Variants in UNC5D observed in about 807,000 individuals in gnomAD.
UNC5D encodes the protein unc-5 netrin receptor D, also known as netrin receptor UNC5D.
In UNC5D, 39 loss-of-function variants were observed where a neutral mutation model predicts 105.4. The ratio of observed to expected loss-of-function variants is 0.37; its 90% CI spans 0.29 to 0.48. The LOEUF (loss-of-function observed/expected upper bound fraction) is 0.48, where lower values mean the gene tolerates loss of function less well. UNC5D is among the 20% of genes least tolerant of loss of function. The pLI is 0.98. For missense variants in UNC5D, 991 were observed against 1,202.4 expected, an observed-to-expected ratio of 0.82 and a Z score of 2.60; for synonymous variants, 452 against 450.4, an observed-to-expected ratio of 1.00 and a Z score of -0.04.
rs912656684 is a variant in UNC5D at position 35,247,548 on chromosome 8, T to C, written c.103+11661T>C. 5.9e-5 allele frequency among the ~76,000 whole-genome samples: 7 copies of C among 119,426 alleles called. No individual in the cohort carries two copies. The Admixed American group carries it at 7.3e-4, about 12-fold the overall frequency. 78.3% of individuals were successfully genotyped at this position (119,426 alleles called of 152,430 possible). On this transcript the variant is annotated intron_variant, in intron 1 of 16. Coordinates refer to ENST00000404895, the MANE Select transcript of UNC5D (RefSeq NM_080872.4). ...TATATATATATATGTATAAAATATA[T>C]AAAATATATATAATATATAAATATG... is the stretch of plus-strand genomic sequence containing the variant.
intron 1 of UNC5D, among the ~76,000 whole-genome samples, chr8:35,464,343 T>A (rs1413109952): frequency 4.6e-5 from 7 of 151,348 alleles, no homozygotes; most frequent in African/African-American, 1.7e-4. Flanking sequence ...ATAATAATAA[T>A]AATAAAAAAG....
intron 1 of UNC5D, among the ~76,000 whole-genome samples, chr8:35,493,696 T>G: frequency 6.6e-6 from 1 of 152,276 alleles, no homozygotes; most frequent in Non-Finnish European, 1.5e-5. Context: ...TATTTGGGAC[T>G]TTTCAAATTA....
intron 1 of UNC5D, among the ~76,000 whole-genome samples, chr8:35,331,310 T>C (rs1168652923): frequency 1.3e-5 from 2 of 152,166 alleles, no homozygotes; most frequent in African/African-American, 2.4e-5. Flanking sequence ...CCTTCTCTCA[T>C]AGTTATAGAC....
chr8:35,742,089 C>T (rs1829791612), intron 11 of UNC5D, among the ~76,000 whole-genome samples: 2 of 152,030 alleles, frequency 1.3e-5, no homozygotes, highest in Admixed American at 6.6e-5. Context: ...TCACACATAG[C>T]GATTACCAGA....
chr8:35,254,254 G>C (rs1803919087), intron 1 of UNC5D: 1 of 152,130 alleles, frequency 6.6e-6, no homozygotes, highest in Non-Finnish European at 1.5e-5. Context: ...CTAAATTGGG[G>C]TTTGGAATTG....
intron 1 of UNC5D, among the ~76,000 whole-genome samples, chr8:35,239,820 T>A (rs2128800041): frequency 6.6e-6 from 1 of 152,340 alleles, no homozygotes; most frequent in Admixed American, 6.5e-5. Flanking sequence ...CGTTCCCTAT[T>A]TCTATTTCAT....
At position 35,365,591 on chromosome 8, in the gene UNC5D, C is replaced by CAAAAAA. The variant is rs10715369; in HGVS notation, c.103+129725_103+129730dup. Among the ~76,000 whole-genome samples the CAAAAAA allele has an allele frequency of 1.6e-4, 8 of 49,884 alleles. 1 individual carries two copies. Among genetic ancestry groups the CAAAAAA allele is most frequent in the Admixed American group, 6.8e-4 (2 of 2,956 alleles). The allele number at this position is 49,884 out of a possible 152,430, so 32.7% of individuals were successfully genotyped here. A position where few individuals can be genotyped will look rare whatever the true frequency, so the allele number is the denominator to read the frequency against. On this transcript the variant is annotated intron_variant, in intron 1 of 16. Transcript: ENST00000404895. ...TCTTAGGCTTTCATGCCATCCCCTGCAAAAAAAAAAAAAAAAAAAAAAAAA... is the reference window on the plus strand; with the variant it reads ...TCTTAGGCTTTCATGCCATCCCCTGCAAAAAAAAAAAAAAAAAAAAAAAAAAAAAAA...
intron 1 of UNC5D, chr8:35,525,543 T>G (rs2130489392): frequency 6.2e-7 from 1 of 1,612,496 alleles, no homozygotes; most frequent in East Asian, 2.2e-5. Context: ...AGGAGGGGTT[T>G]CTGTTCGGTC....
At chr8:35,248,615 A>T (rs1284829863) in intron 1 of UNC5D, among the ~76,000 whole-genome samples, 2 of 96,852 alleles carry the variant, frequency 2.1e-5, no homozygotes, top group Non-Finnish European at 3.5e-5. Flanking sequence ...TGAAATAGAT[A>T]TAATATATAA....
chr8:35,772,634 T>G (rs1280739668), intron 15 of UNC5D, among the ~76,000 whole-genome samples: 1 of 152,184 alleles, frequency 6.6e-6, no homozygotes, highest in Non-Finnish European at 1.5e-5. Context: ...ACTAGTCCCT[T>G]AACTCAATCC....
chr8:35,637,108 G>A (rs954081232), intron 4 of UNC5D, among the ~76,000 whole-genome samples: 2 of 152,200 alleles, frequency 1.3e-5, no homozygotes, highest in African/African-American at 4.8e-5. Flanking sequence ...AGTTTTCCAA[G>A]TAGAGGTGCA....
chr8:35,534,283 C>G (rs1356564068), intron 1 of UNC5D, among the ~76,000 whole-genome samples: 2 of 152,056 alleles, frequency 1.3e-5, no homozygotes, highest in Non-Finnish European at 2.9e-5. Context: ...ACTGTTGTGC[C>G]ATTGTTTCCA....
intron 4 of UNC5D, among the ~76,000 whole-genome samples, chr8:35,600,761 C>G (rs1000914755): frequency 6.6e-6 from 1 of 152,172 alleles, no homozygotes; most frequent in Non-Finnish European, 1.5e-5. Context: ...CCTGTTCACT[C>G]TGATGGTGGT....
intron 1 of UNC5D, among the ~76,000 whole-genome samples, chr8:35,267,631 G>T (rs113250171): frequency 6.0e-4 from 91 of 152,192 alleles, no homozygotes; most frequent in Non-Finnish European, 9.1e-4. Context: ...TAGAGACGGG[G>T]TTTCACCATG....
intron 14 of UNC5D, among the ~76,000 whole-genome samples, chr8:35,764,622 C>T (rs1000020013): frequency 6.6e-6 from 1 of 152,192 alleles, no homozygotes; most frequent in African/African-American, 2.4e-5. Context: ...ATGCCCTCTG[C>T]TGCAGGATCT....
chr8:35,608,153 G>A (rs776652634), intron 4 of UNC5D, among the ~76,000 whole-genome samples: 3 of 152,250 alleles, frequency 2.0e-5, no homozygotes, highest in Non-Finnish European at 2.9e-5. Flanking sequence ...GTACACTTCC[G>A]ATTCTACCTC....
chr8:35,341,342 G>T (rs1205193180), intron 1 of UNC5D, among the ~76,000 whole-genome samples: 1 of 152,042 alleles, frequency 6.6e-6, no homozygotes, highest in Non-Finnish European at 1.5e-5. Flanking sequence ...ATGTAACATG[G>T]ATTTTAATTC....
At chr8:35,735,992 C>A (rs1361771027) in intron 11 of UNC5D, among the ~76,000 whole-genome samples, 6 of 152,102 alleles carry the variant, frequency 3.9e-5, no homozygotes, top group Non-Finnish European at 8.8e-5. Flanking sequence ...TGATATGAAT[C>A]TGTTTGTAGT....
intron 4 of UNC5D, among the ~76,000 whole-genome samples, chr8:35,641,366 C>CAAAAAAAAAAAAAAAAAAAAACA (rs377021599): frequency 4.5e-5 from 2 of 44,290 alleles, no homozygotes; most frequent in South Asian, 9.7e-4. Context: ...AAAAATAAAG[C>CAAAAAAAAAAAAAAAAAAAAACA]AAAAAAAAAA....
Sources: gnomAD v4.1 joint callset for allele counts (sites outside exome capture counted in the v4.1 genomes callset) on GRCh38, gnomAD v4.1.1 for gene constraint, MANE v1.5 for transcripts, NCBI Gene and HGNC (gene_info 2026-07-23, HGNC 2026-07-21) for gene names.